Variants in PKHD1 observed in about 807,000 individuals in gnomAD.
The protein encoded by PKHD1 is fibrocystin.
A neutral mutation model predicts 412.0 loss-of-function variants in PKHD1; 291 were observed. The observed-to-expected ratio is 0.71, with a 90% CI of 0.64 to 0.78. The LOEUF (loss-of-function observed/expected upper bound fraction) is 0.78, where lower values mean the gene tolerates loss of function less well. PKHD1 is among the 30% of genes least tolerant of loss of function. The probability of loss-of-function intolerance (pLI) is 0.00; values close to 1 mark genes in which losing one functional copy is unlikely to be tolerated. For missense variants in PKHD1, 4,825 were observed against 4,950.7 expected (o/e 0.97, Z 0.76); for synonymous variants, 1,777 against 1,821.5 (o/e 0.98, Z 0.62).
At chr6:51,881,010 C>A (rs2127533401) in intron 46 of PKHD1, among the ~76,000 whole-genome samples, 1 of 148,472 alleles carries the variant, frequency 6.7e-6, no homozygotes, top group Non-Finnish European at 1.5e-5. Flanking sequence ...GAATGGCAGG[C>A]ACAAAAGACA....
In PKHD1 at chr6:52,026,154, A is replaced by G. The variant is rs139127465; in HGVS notation, c.3656T>C (p.Ile1219Thr). The G allele has an allele frequency of 1.4e-5, 22 of 1,614,102 alleles. No individual in the cohort carries two copies. The East Asian group carries it at 1.8e-4, about 13-fold the overall frequency. The stretch of plus-strand genomic sequence containing the variant: ...CAAAGCTGGGTCCCTGCTGAAGCCT[A>G]TTCCTGAGATGCTGAGGATGGTCCC... Reference protein sequence around the residue: ...LGGTILSISGIGFSRDPALVW... With the variant: ...LGGTILSISGTGFSRDPALVW... Residue 1219 changes from isoleucine to threonine, a missense_variant, in exon 32 of 67, where the codon ATA (isoleucine) becomes ACA (threonine). Physicochemically the swap from Ile to Thr is moderately conservative, Grantham distance 89 (BLOSUM62 -1). Transcript: ENST00000371117.
At chr6:51,830,717 C>A in intron 52 of PKHD1, 144 bp downstream of exon 52, 3 of 744,534 alleles carry the variant, frequency 4.0e-6, no homozygotes, top group South Asian at 3.4e-5. Flanking sequence ...TACATTAACC[C>A]CCCCAAAAAG....
chr6:51,621,080 A>G (rs1766554888), intron 66 of PKHD1, among the ~76,000 whole-genome samples: 1 of 152,162 alleles, frequency 6.6e-6, no homozygotes, highest in Non-Finnish European at 1.5e-5. Context: ...AGCTCAAACT[A>G]CATTGATTTA....
intron 60 of PKHD1, among the ~76,000 whole-genome samples, chr6:51,684,217 A>G (rs1283341817): frequency 6.6e-6 from 1 of 152,138 alleles, no homozygotes; most frequent in Non-Finnish European, 1.5e-5. Context: ...AGATAACAGA[A>G]CTAAATGTTA....
intron 60 of PKHD1, among the ~76,000 whole-genome samples, chr6:51,677,728 A>G (rs1052737593): frequency 6.6e-6 from 1 of 152,150 alleles, no homozygotes; most frequent in Non-Finnish European, 1.5e-5. Flanking sequence ...GTTCTCTTTT[A>G]ATAAAAGTTG....
intron 52 of PKHD1, among the ~76,000 whole-genome samples, chr6:51,822,854 C>A (rs141827270): frequency 6.6e-6 from 1 of 152,004 alleles, no homozygotes; most frequent in Non-Finnish European, 1.5e-5. Flanking sequence ...TTTTTACAAT[C>A]GATAAATTGT....
At chr6:52,034,054 G>A (rs558487410) in intron 28 of PKHD1, among the ~76,000 whole-genome samples, 55 of 151,928 alleles carry the variant, frequency 3.6e-4, no homozygotes, top group African/African-American at 1.1e-3. Context: ...ACTTGAACCC[G>A]GGAGGTGGAG....
At chr6:51,842,567 G>A (rs1562440802) in intron 50 of PKHD1, among the ~76,000 whole-genome samples, 2 of 152,124 alleles carry the variant, frequency 1.3e-5, no homozygotes, top group African/African-American at 2.4e-5. Flanking sequence ...ACTCAAGATT[G>A]TTTTCTCCAC....
At chr6:51,662,011 T>C (rs1227893560) in intron 60 of PKHD1, among the ~76,000 whole-genome samples, 1 of 152,018 alleles carries the variant, frequency 6.6e-6, no homozygotes, top group South Asian at 2.1e-4. Context: ...GTAGGGCACA[T>C]GTTTTACTTT....
intron 43 of PKHD1, among the ~76,000 whole-genome samples, chr6:51,897,872 T>C (rs1780406049): frequency 6.6e-6 from 1 of 151,086 alleles, no homozygotes; most frequent in Non-Finnish European, 1.5e-5. Flanking sequence ...TCCTAGTCTC[T>C]GATAAAACAG....
intron 60 of PKHD1, among the ~76,000 whole-genome samples, chr6:51,718,060 C>A (rs1378053991): frequency 6.6e-6 from 1 of 152,350 alleles, no homozygotes; most frequent in East Asian, 1.9e-4. Flanking sequence ...TGGTTAACAA[C>A]TTTTGCTTCA....
At chr6:51,639,481 C>A (rs12663365) in intron 63 of PKHD1, among the ~76,000 whole-genome samples, 5,410 of 151,632 alleles carry the variant, frequency 0.036, 411 homozygotes, top group Admixed American at 0.19. Context: ...AGAATTAGGC[C>A]AAGAGATCAG....
In PKHD1 at chr6:51,741,229, T is replaced by C. The variant is rs1784511821; in HGVS notation, c.10156+3156A>G. The C allele has an allele frequency of 3.9e-6, 2 of 517,900 alleles. 1 individual carries two copies. The highest frequency in any genetic ancestry group is 3.9e-5 in the Admixed American group (2 of 51,462). 32.1% of individuals were successfully genotyped at this position (517,900 alleles called of 1,614,324 possible). The stretch of plus-strand genomic sequence containing the variant: ...CACTCTTATGATTAAACATGGAGAA[T>C]CTGACTGACATTTTAGAGTTTCTAT... On this transcript the variant is annotated intron_variant, in intron 60 of 66. Coordinates refer to ENST00000371117, the MANE Select transcript of PKHD1 (RefSeq NM_138694.4).
chr6:51,647,249 G>A (rs1770213866), intron 63 of PKHD1, among the ~76,000 whole-genome samples: 1 of 152,104 alleles, frequency 6.6e-6, no homozygotes, highest in African/African-American at 2.4e-5. Context: ...CAACGGTTTT[G>A]TGTGTGAGAG....
At chr6:51,883,931 TATAGACTGATGCAGCAAGAA>T (rs1448488329) in intron 45 of PKHD1, among the ~76,000 whole-genome samples, 4 of 152,202 alleles carry the variant, frequency 2.6e-5, no homozygotes, top group African/African-American at 9.6e-5. Context: ...GCCCTTCTGC[TATAGACTGATGCAGCAAGAA>T]GGTCCTCAGA....
At chr6:51,790,564 G>A (rs1224414139) in intron 53 of PKHD1, among the ~76,000 whole-genome samples, 2 of 152,272 alleles carry the variant, frequency 1.3e-5, no homozygotes, top group African/African-American at 2.4e-5. Context: ...TGGGCCAGGT[G>A]AGATGCTTGC....
intron 52 of PKHD1, among the ~76,000 whole-genome samples, chr6:51,793,561 T>C (rs1290397108): frequency 6.6e-6 from 1 of 152,178 alleles, no homozygotes. Context: ...TTCCCTGCCT[T>C]GTGTCCATGT....
chr6:52,084,125 A>C (rs899543730), intron 2 of PKHD1, among the ~76,000 whole-genome samples: 3 of 152,258 alleles, frequency 2.0e-5, no homozygotes, highest in Non-Finnish European at 4.4e-5. Context: ...TAAGGAAGCC[A>C]GCAAAAATCA....
chr6:51,808,197 T>A (rs958192803), intron 52 of PKHD1, among the ~76,000 whole-genome samples: 1 of 152,204 alleles, frequency 6.6e-6, no homozygotes, highest in African/African-American at 2.4e-5. Flanking sequence ...TAGTGTACAA[T>A]TTGTAATATT....
Sources: gnomAD v4.1 joint callset for allele counts (sites outside exome capture counted in the v4.1 genomes callset) on GRCh38, gnomAD v4.1.1 for gene constraint, MANE v1.5 for transcripts, NCBI Gene and HGNC (gene_info 2026-07-23, HGNC 2026-07-21) for gene names.